Variants in CAST observed in about 807,000 individuals in gnomAD.
CAST encodes calpastatin.
CAST carries 76 observed loss-of-function variants against 119.6 expected under a neutral mutation model. That is an observed-to-expected ratio of 0.64 (90% CI 0.53 to 0.77). The LOEUF (loss-of-function observed/expected upper bound fraction) is 0.77. Among genes scored for constraint, CAST ranks in the 30% least tolerant of loss-of-function variants. CAST has a pLI of 0.00. For missense variants in CAST, 953 were observed against 946.5 expected (o/e 1.01, Z -0.09); for synonymous variants, 319 against 331.6 (o/e 0.96, Z 0.41).
chr5:96,516,670 T>C, the CAST span, among the ~76,000 whole-genome samples: 3 of 152,218 alleles, frequency 2.0e-5, no homozygotes, highest in Non-Finnish European at 4.4e-5. Flanking sequence ...TTGATGAAAA[T>C]GCTGGGGAAC....
chr5:96,368,904 G>A, the CAST span, among the ~76,000 whole-genome samples: 14 of 152,110 alleles, frequency 9.2e-5, no homozygotes, highest in Admixed American at 9.2e-4. Context: ...TATTTAGAAA[G>A]TGTTACTCCA....
At chr5:96,108,251 T>G in the CAST span, among the ~76,000 whole-genome samples, 2 of 152,222 alleles carry the variant, frequency 1.3e-5, no homozygotes, top group East Asian at 1.9e-4. Context: ...GTCCAGCTTT[T>G]TTCCATTGCT....
the CAST span, among the ~76,000 whole-genome samples, chr5:96,028,883 T>G: frequency 6.6e-6 from 1 of 152,110 alleles, no homozygotes; most frequent in South Asian, 2.1e-4. Context: ...AAAAATTGTT[T>G]AGAGTGAGAC....
the CAST span, among the ~76,000 whole-genome samples, chr5:96,256,710 C>T: frequency 1.3e-5 from 2 of 151,686 alleles, no homozygotes; most frequent in African/African-American, 2.4e-5. Flanking sequence ...TGCAGTTGAT[C>T]GAAATGTCAT....
chr5:96,433,250 G>C, the CAST span: 2 of 608,366 alleles, frequency 3.3e-6, no homozygotes, highest in South Asian at 3.8e-5. Context: ...AGGCTGAGTG[G>C]AGCCCCAGCC....
At chr5:96,375,942 T>C in the CAST span, among the ~76,000 whole-genome samples, 16 of 147,816 alleles carry the variant, frequency 1.1e-4, no homozygotes, top group African/African-American at 3.7e-4. Flanking sequence ...TATATAAATA[T>C]AAATATATAT....
chr5:96,303,246 G>A, the CAST span, among the ~76,000 whole-genome samples: 42 of 152,088 alleles, frequency 2.8e-4, no homozygotes, highest in African/African-American at 9.4e-4. Flanking sequence ...GAACAACAAG[G>A]CATAAGTCTG....
chr5:96,513,483 AC>A, the CAST span, among the ~76,000 whole-genome samples: 2 of 152,204 alleles, frequency 1.3e-5, no homozygotes, highest in African/African-American at 2.4e-5. Context: ...TAAATCAGTT[AC>A]CCCCTAACAA....
chr5:96,751,906 G>A lies in CAST; in HGVS notation c.1524+1224G>A, dbSNP rs112134640. Among the ~76,000 whole-genome samples, 311 of 152,278 alleles carry A rather than the reference G, an allele frequency of 2.0e-3. 1 individual carries two copies. The highest frequency in any genetic ancestry group is 7.0e-3 in the African/African-American group (292 of 41,548). ...AAAAGCTCTTGTTTTCCCTTTCCCC[G>A]TCCTCCTTTCCAGGGCCTTAACCCC... On this transcript the variant is annotated intron_variant, in intron 20 of 31. Coordinates refer to ENST00000675179, the MANE Select transcript of CAST (RefSeq NM_001750.7).
chr5:96,045,879 CT>C, the CAST span, among the ~76,000 whole-genome samples: 1 of 152,108 alleles, frequency 6.6e-6, no homozygotes, highest in Non-Finnish European at 1.5e-5. Context: ...GAGGCAATAA[CT>C]GCAACTGTGA....
the CAST span, among the ~76,000 whole-genome samples, chr5:96,068,657 G>C: frequency 1.3e-5 from 2 of 150,270 alleles, no homozygotes; most frequent in East Asian, 2.0e-4. Context: ...CACATGCCCA[G>C]TTAATTTTTA....
chr5:96,124,635 T>C, the CAST span, among the ~76,000 whole-genome samples: 382 of 152,262 alleles, frequency 2.5e-3, 1 homozygote, highest in Non-Finnish European at 3.7e-3. Context: ...TTAATTCCTA[T>C]CCTGTAGGAT....
the CAST span, among the ~76,000 whole-genome samples, chr5:96,032,552 C>G: frequency 6.6e-6 from 1 of 152,146 alleles, no homozygotes; most frequent in African/African-American, 2.4e-5. Context: ...GCCAGGCATA[C>G]AGGAGCTAAA....
chr5:95,975,958 G>T, the CAST span, among the ~76,000 whole-genome samples: 1 of 152,122 alleles, frequency 6.6e-6, no homozygotes, highest in South Asian at 2.1e-4. Context: ...TTCTGGTCAT[G>T]TTGGAGGCAA....
the CAST span, among the ~76,000 whole-genome samples, chr5:96,316,119 A>G: frequency 6.6e-6 from 1 of 152,368 alleles, no homozygotes; most frequent in South Asian, 2.1e-4. Flanking sequence ...CAATTTTTGT[A>G]TGGCTTTGTA....
At chr5:96,502,614 G>GTCTGTCTTTCTTTCTT in the CAST span, among the ~76,000 whole-genome samples, 283 of 143,270 alleles carry the variant, frequency 2.0e-3, 1 homozygote, top group Non-Finnish European at 3.3e-3. Context: ...AAGTTACCTA[G>GTCTGTCTTTCTTTCTT]TCTTTCTTTC....
At chr5:96,280,523 T>G in the CAST span, among the ~76,000 whole-genome samples, 1 of 152,210 alleles carries the variant, frequency 6.6e-6, no homozygotes, top group Non-Finnish European at 1.5e-5. Context: ...CAGATTCAAC[T>G]GCTAATCAGA....
At chr5:96,276,129 C>G in the CAST span, among the ~76,000 whole-genome samples, 1 of 152,164 alleles carries the variant, frequency 6.6e-6, no homozygotes, top group Non-Finnish European at 1.5e-5. Context: ...TGCTTTAACT[C>G]TCAAATCCTT....
At chr5:96,170,355 A>C in the CAST span, among the ~76,000 whole-genome samples, 2 of 152,052 alleles carry the variant, frequency 1.3e-5, no homozygotes, top group African/African-American at 4.8e-5. Flanking sequence ...CTGCGGGAGG[A>C]GGTTCTGGAG....
Sources: allele counts gnomAD v4.1 joint callset (sites outside exome capture counted in the v4.1 genomes callset), GRCh38; gene constraint gnomAD v4.1.1; transcripts MANE v1.5; gene names NCBI Gene and HGNC (gene_info 2026-07-23, HGNC 2026-07-21).